CCSER1: variants seen among roughly 807,000 people sequenced by gnomAD.
CCSER1 encodes serine-rich coiled-coil domain-containing protein 1.
Under a neutral mutation model 82.0 loss-of-function variants are expected in CCSER1, and 41 were observed. The ratio of observed to expected loss-of-function variants is 0.50; its 90% CI spans 0.39 to 0.65. CCSER1 has a LOEUF of 0.65. Among genes scored for constraint, CCSER1 ranks in the 30% least tolerant of loss-of-function variants. CCSER1 has a pLI of 0.00. For synonymous variants in CCSER1, 414 were observed against 383.9 expected, an observed-to-expected ratio of 1.08 and a Z score of -0.92; for missense variants, 1,119 against 1,064.2, an observed-to-expected ratio of 1.05 and a Z score of -0.72.
At chr4:91,170,034 T>C (rs1297568340) in intron 10 of CCSER1, among the ~76,000 whole-genome samples, 4 of 152,220 alleles carry the variant, frequency 2.6e-5, no homozygotes, top group African/African-American at 9.6e-5. Flanking sequence ...TGTGTCCTTT[T>C]TGACTTTCAT....
At chr4:91,170,040 T>A (rs529414519) in intron 10 of CCSER1, among the ~76,000 whole-genome samples, 82 of 152,314 alleles carry the variant, frequency 5.4e-4, no homozygotes, top group African/African-American at 2.0e-3. Context: ...CTTTTTGACT[T>A]TCATATATCC....
At chr4:91,358,938 A>T (rs1403096461) in intron 10 of CCSER1, among the ~76,000 whole-genome samples, 3 of 152,098 alleles carry the variant, frequency 2.0e-5, no homozygotes, top group Non-Finnish European at 4.4e-5. Context: ...CTCGCTTCCC[A>T]GTCAGGGAAC....
At chr4:90,214,733 G>A (rs1463395253) in intron 1 of CCSER1, among the ~76,000 whole-genome samples, 1 of 152,140 alleles carries the variant, frequency 6.6e-6, no homozygotes, top group Non-Finnish European at 1.5e-5. Flanking sequence ...ATAGGCTTTT[G>A]AGATAACAGA....
chr4:90,966,882 A>G (rs1734618100), intron 9 of CCSER1, among the ~76,000 whole-genome samples: 1 of 152,108 alleles, frequency 6.6e-6, no homozygotes, highest in Non-Finnish European at 1.5e-5. Flanking sequence ...GCTTCTCTGA[A>G]GAAATTGACA....
chr4:91,069,198 C>T (rs1721173767), intron 9 of CCSER1, among the ~76,000 whole-genome samples: 1 of 151,914 alleles, frequency 6.6e-6, no homozygotes, highest in Non-Finnish European at 1.5e-5. Flanking sequence ...TTTTGATTTT[C>T]TAAAAGACAA....
chr4:91,165,866 C>T (rs998044099), intron 10 of CCSER1, among the ~76,000 whole-genome samples: 1 of 152,188 alleles, frequency 6.6e-6, no homozygotes, highest in Admixed American at 6.5e-5. Flanking sequence ...AAAGGGAAAT[C>T]CCCCAACCCA....
At chr4:90,185,040 G>A (rs1734362613) in intron 1 of CCSER1, among the ~76,000 whole-genome samples, 1 of 152,054 alleles carries the variant, frequency 6.6e-6, no homozygotes, top group African/African-American at 2.4e-5. Context: ...TCCGTCTCTA[G>A]CCCATGTGAG....
chr4:90,416,783 A>G (rs115235221), intron 4 of CCSER1, among the ~76,000 whole-genome samples: 2,707 of 152,336 alleles, frequency 0.018, 49 homozygotes, highest in African/African-American at 0.036. Flanking sequence ...ATAATTTACT[A>G]GTACTAAATA....
intron 10 of CCSER1, among the ~76,000 whole-genome samples, chr4:91,113,101 G>A (rs1290111115): frequency 6.6e-6 from 1 of 152,176 alleles, no homozygotes; most frequent in African/African-American, 2.4e-5. Context: ...AATATTAATT[G>A]CCTTACATGT....
chr4:91,320,553 G>T (rs1416564779), intron 10 of CCSER1, among the ~76,000 whole-genome samples: 1 of 152,004 alleles, frequency 6.6e-6, no homozygotes, highest in Non-Finnish European at 1.5e-5. Flanking sequence ...TGTGCTGTTG[G>T]TTCTTAAACT....
chr4:90,592,474 G>T (rs966019009), intron 5 of CCSER1, among the ~76,000 whole-genome samples: 21 of 152,248 alleles, frequency 1.4e-4, no homozygotes, highest in African/African-American at 4.8e-4. Flanking sequence ...GATTGGATAA[G>T]CATGTGAAAT....
chr4:90,998,463 A>G (rs879337567), intron 9 of CCSER1, among the ~76,000 whole-genome samples: 2 of 152,012 alleles, frequency 1.3e-5, no homozygotes, highest in African/African-American at 2.4e-5. Context: ...TTTTCCCAAT[A>G]TTTTCTTTAA....
intron 10 of CCSER1, among the ~76,000 whole-genome samples, chr4:91,458,276 C>CA (rs984149026): frequency 3.3e-5 from 5 of 152,110 alleles, no homozygotes; most frequent in Non-Finnish European, 5.9e-5. Flanking sequence ...CCTTTCCCCC[C>CA]ATACAAGAGC....
chr4:90,589,722 GA>G (rs1782462885), intron 5 of CCSER1, among the ~76,000 whole-genome samples: 1 of 152,194 alleles, frequency 6.6e-6, no homozygotes, highest in Non-Finnish European at 1.5e-5. Context: ...CCTGCAAGGA[GA>G]AATAATCACT....
intron 1 of CCSER1, among the ~76,000 whole-genome samples, chr4:90,295,335 A>G (rs368635942): frequency 6.6e-6 from 1 of 152,022 alleles, no homozygotes; most frequent in African/African-American, 2.4e-5. Flanking sequence ...ACCAAACCTG[A>G]TATTATTAAG....
At chr4:90,776,742 C>T (rs1752945278) in intron 7 of CCSER1, among the ~76,000 whole-genome samples, 1 of 152,100 alleles carries the variant, frequency 6.6e-6, no homozygotes, top group Admixed American at 6.5e-5. Context: ...ATATTTTCCC[C>T]ATTTTACAAA....
chr4:90,655,714 A>T (rs190755430), intron 6 of CCSER1, among the ~76,000 whole-genome samples: 9 of 152,002 alleles, frequency 5.9e-5, no homozygotes, highest in African/African-American at 2.2e-4. Flanking sequence ...ATTTTGATGG[A>T]TGCAAAAATA....
chr4:90,463,575 G>A (rs10017735), intron 4 of CCSER1, among the ~76,000 whole-genome samples: 2,933 of 152,208 alleles, frequency 0.019, 86 homozygotes, highest in African/African-American at 0.067. Context: ...TTTATCAGCG[G>A]GTTGTTATGT....
At chr4:91,184,947 G>A (rs569746793) in intron 10 of CCSER1, among the ~76,000 whole-genome samples, 1 of 152,258 alleles carries the variant, frequency 6.6e-6, no homozygotes, top group African/African-American at 2.4e-5. Flanking sequence ...AATAGTACCA[G>A]GTTGTCCATC....
Sources: gnomAD v4.1 joint callset for allele counts (sites outside exome capture counted in the v4.1 genomes callset) on GRCh38, gnomAD v4.1.1 for gene constraint, MANE v1.5 for transcripts, NCBI Gene and HGNC (gene_info 2026-07-23, HGNC 2026-07-21) for gene names.